Variants in CSMD1 observed in about 807,000 individuals in gnomAD.
The protein encoded by CSMD1 is CUB and sushi domain-containing protein 1.
A neutral mutation model predicts 417.5 loss-of-function variants in CSMD1; 213 were observed. The ratio of observed to expected loss-of-function variants is 0.51; its 90% CI spans 0.46 to 0.57. CSMD1 has a LOEUF of 0.57. CSMD1 is among the 20% of genes least tolerant of loss of function. The pLI, the probability that CSMD1 is intolerant of heterozygous loss-of-function variation, is 0.00. For synonymous variants in CSMD1, 2,862 were observed against 1,736.8 expected, an observed-to-expected ratio of 1.65 and a Z score of -16.11; for missense variants, 6,923 against 4,529.7, an observed-to-expected ratio of 1.53 and a Z score of -15.17.
intron 23 of CSMD1, among the ~76,000 whole-genome samples, chr8:3,314,341 G>A (rs1482495721): frequency 6.6e-6 from 1 of 152,098 alleles, no homozygotes; most frequent in Non-Finnish European, 1.5e-5. Flanking sequence ...ATTTTAATGT[G>A]AATTTAAGAG....
At chr8:4,363,741 G>T (rs147181773) in intron 3 of CSMD1, among the ~76,000 whole-genome samples, 1 of 152,164 alleles carries the variant, frequency 6.6e-6, no homozygotes, top group Non-Finnish European at 1.5e-5. Flanking sequence ...TGTTGCAAAA[G>T]ACAGGATCTC....
At chr8:3,722,273 A>T (rs1370839589) in intron 6 of CSMD1, among the ~76,000 whole-genome samples, 1 of 152,224 alleles carries the variant, frequency 6.6e-6, no homozygotes, top group East Asian at 1.9e-4. Context: ...ACACCACTGC[A>T]CTCCAGCCTG....
chr8:4,801,120 G>C lies in CSMD1; in HGVS notation c.86-163562C>G, dbSNP rs138728156. On this transcript the variant is annotated intron_variant, in intron 1 of 69. Transcript: ENST00000635120. Reference sequence around the variant, plus strand: ...GCCAAAATAAAGAAAAGAAAAATTGGTGTCATTTTACATTTTTTGTATCTT... The same window carrying C: ...GCCAAAATAAAGAAAAGAAAAATTGCTGTCATTTTACATTTTTTGTATCTT... 3.8e-3 allele frequency among the ~76,000 whole-genome samples: 586 copies of C among 152,226 alleles called. 6 individuals carry two copies. The highest frequency in any genetic ancestry group is 0.014 in the African/African-American group (567 of 41,526).
chr8:3,575,110 C>G, intron 9 of CSMD1, 44 bp from the exon 10 acceptor site: 1 of 1,594,976 alleles, frequency 6.3e-7, no homozygotes, highest in Non-Finnish European at 8.6e-7. Flanking sequence ...AACATTGTGT[C>G]AGTTTGGTAA....
At chr8:4,610,040 A>C (rs1200358678) in intron 2 of CSMD1, among the ~76,000 whole-genome samples, 1 of 151,964 alleles carries the variant, frequency 6.6e-6, no homozygotes, top group African/African-American at 2.4e-5. Context: ...AAAAAAAAAA[A>C]CAATTAGATA....
Position 4,660,803 on chromosome 8 carries a change from T to C in CSMD1, c.86-23245A>G, listed in dbSNP as rs1585408982. ...TAAAGCCAACAATCCAATTAGAAAA[T>C]GGGCAAAATTATGAAGACATTTCAC... is the stretch of plus-strand genomic sequence containing the variant. On this transcript the variant is annotated intron_variant, in intron 1 of 69. Coordinates refer to ENST00000635120, the MANE Select transcript of CSMD1 (RefSeq NM_033225.6). Among the ~76,000 whole-genome samples, 5 of 152,034 alleles carry C rather than the reference T, an allele frequency of 3.3e-5. No homozygotes were observed. The South Asian group carries it at 6.2e-4, about 19-fold the overall frequency.
intron 1 of CSMD1, among the ~76,000 whole-genome samples, chr8:4,881,411 ATATCTATCTATCTATC>A (rs10659062): frequency 7.4e-6 from 1 of 134,792 alleles, no homozygotes; most frequent in Non-Finnish European, 1.6e-5. Context: ...CCTAGTATAC[ATATCTATCTATCTATC>A]TATCTATCTA....
chr8:4,755,808 G>C (rs778665996), intron 1 of CSMD1, among the ~76,000 whole-genome samples: 1 of 151,928 alleles, frequency 6.6e-6, no homozygotes, highest in Non-Finnish European at 1.5e-5. Flanking sequence ...CATTCTTAAC[G>C]ACACTATCTT....
chr8:3,779,118 T>C (rs1799042548), intron 5 of CSMD1, among the ~76,000 whole-genome samples: 1 of 151,670 alleles, frequency 6.6e-6, no homozygotes. Context: ...ATTTTTCAGA[T>C]AAATAAAATA....
intron 5 of CSMD1, among the ~76,000 whole-genome samples, chr8:3,780,915 G>A (rs56261016): frequency 0.15 from 22,562 of 152,142 alleles, 2,347 homozygotes; most frequent in African/African-American, 0.28. Flanking sequence ...GAGAATTTAG[G>A]TAAGACCATG....
chr8:4,585,277 G>T (rs534263952), intron 2 of CSMD1, among the ~76,000 whole-genome samples: 42 of 152,206 alleles, frequency 2.8e-4, no homozygotes, highest in Admixed American at 2.2e-3. Context: ...TTCTGCAGTT[G>T]AAATAGGCAG....
intron 7 of CSMD1, among the ~76,000 whole-genome samples, chr8:3,666,976 G>A (rs917010080): frequency 1.3e-5 from 2 of 152,148 alleles, no homozygotes; most frequent in Non-Finnish European, 2.9e-5. Flanking sequence ...AATTGTAAGA[G>A]CTCGAATTTT....
At chr8:4,778,215 G>C (rs1331782524) in intron 1 of CSMD1, among the ~76,000 whole-genome samples, 1 of 152,094 alleles carries the variant, frequency 6.6e-6, no homozygotes, top group African/African-American at 2.4e-5. Flanking sequence ...AAAATATTCA[G>C]ATTTGCAATT....
intron 5 of CSMD1, among the ~76,000 whole-genome samples, chr8:3,991,577 A>G (rs937256504): frequency 6.6e-6 from 1 of 152,200 alleles, no homozygotes; most frequent in Non-Finnish European, 1.5e-5. Context: ...AACACGTAAG[A>G]GTAGCTAGTG....
chr8:3,951,399 C>T (rs1811591539), intron 5 of CSMD1, among the ~76,000 whole-genome samples: 1 of 152,118 alleles, frequency 6.6e-6, no homozygotes, highest in African/African-American at 2.4e-5. Context: ...ATGCAAAAGG[C>T]ATTTGGGGCA....
At chr8:4,098,675 G>A (rs1367227350) in intron 3 of CSMD1, among the ~76,000 whole-genome samples, 4 of 152,076 alleles carry the variant, frequency 2.6e-5, no homozygotes, top group African/African-American at 4.8e-5. Flanking sequence ...CTGTCTTACG[G>A]CAAATAAAGG....
rs369441982 is a variant in CSMD1 at position 2,951,101 on chromosome 8, C to G, written c.10201+13G>C. ...GCTCACACCATGCGTTTAGTGAATT[C>G]TTCGGGACCTACCTGTCAACTTCAG... On this transcript the variant is annotated intron_variant, in intron 66 of 69. Transcript: ENST00000635120. 9 of 1,608,984 alleles carry G rather than the reference C, an allele frequency of 5.6e-6. No individual in the cohort carries two copies. The highest frequency in any genetic ancestry group is 2.2e-5 in the East Asian group (1 of 44,854).
intron 1 of CSMD1, among the ~76,000 whole-genome samples, chr8:4,979,440 C>T (rs1307557412): frequency 6.6e-6 from 1 of 151,852 alleles, no homozygotes; most frequent in East Asian, 1.9e-4. Flanking sequence ...CTTACTTAGC[C>T]GTATAGCAGA....
At chr8:3,668,818 TAAGTA>T (rs1798836305) in intron 7 of CSMD1, among the ~76,000 whole-genome samples, 1 of 152,130 alleles carries the variant, frequency 6.6e-6, no homozygotes, top group African/African-American at 2.4e-5. Flanking sequence ...AATTTGCTGT[TAAGTA>T]AAGTTATAGA....
Sources: gnomAD v4.1 joint callset for allele counts (sites outside exome capture counted in the v4.1 genomes callset) on GRCh38, gnomAD v4.1.1 for gene constraint, MANE v1.5 for transcripts, NCBI Gene and HGNC (gene_info 2026-07-23, HGNC 2026-07-21) for gene names.